Variants in CLYBL observed in about 807,000 individuals in gnomAD.
CLYBL encodes citramalyl-CoA lyase, mitochondrial.
CLYBL carries 31 observed loss-of-function variants against 38.9 expected under a neutral mutation model. That is an observed-to-expected ratio of 0.80 (90% CI 0.60 to 1.08). The LOEUF (loss-of-function observed/expected upper bound fraction) is 1.08, where lower values mean the gene tolerates loss of function less well. Among genes scored for constraint, CLYBL ranks in the 50% least tolerant of loss-of-function variants. The probability of loss-of-function intolerance (pLI) is 0.00; values close to 1 mark genes in which losing one functional copy is unlikely to be tolerated. For synonymous variants in CLYBL, 171 were observed against 158.6 expected, an observed-to-expected ratio of 1.08 and a Z score of -0.59; for missense variants, 434 against 411.6, an observed-to-expected ratio of 1.05 and a Z score of -0.47.
At chr13:99,877,568 A>ATTTTT in intron 7 of CLYBL, 2 of 250,782 alleles carry the variant, frequency 8.0e-6, no homozygotes, top group Non-Finnish European at 1.5e-5. Flanking sequence ...GAATTTTGTA[A>ATTTTT]TTCTTTTTTT....
At chr13:99,875,768 G>A (rs909864114) in intron 7 of CLYBL, among the ~76,000 whole-genome samples, 29 of 152,274 alleles carry the variant, frequency 1.9e-4, no homozygotes, top group African/African-American at 7.0e-4. Flanking sequence ...CTGGATTTAT[G>A]AGCAGGAACA....
At chr13:99,784,447 C>CTG (rs1566325856) in intron 2 of CLYBL, among the ~76,000 whole-genome samples, 1 of 99,436 alleles carries the variant, frequency 1.0e-5, no homozygotes, top group Non-Finnish European at 2.3e-5. Flanking sequence ...GGAAAATTCT[C>CTG]TCTTTTTTTT....
intron 1 of CLYBL, among the ~76,000 whole-genome samples, chr13:99,679,931 C>G (rs1233551142): frequency 6.6e-6 from 1 of 151,986 alleles, no homozygotes; most frequent in African/African-American, 2.4e-5. Flanking sequence ...ATGTTACTGT[C>G]TAATGCATGT....
chr13:99,620,790 GAAA>G (rs1022557492), intron 1 of CLYBL, among the ~76,000 whole-genome samples: 2 of 108,720 alleles, frequency 1.8e-5, no homozygotes, highest in African/African-American at 3.0e-5. Flanking sequence ...AAGAAAGAAA[GAAA>G]AAGAGAGAGA....
At chr13:99,784,455 T>C (rs1466906463) in intron 2 of CLYBL, among the ~76,000 whole-genome samples, 24 of 92,668 alleles carry the variant, frequency 2.6e-4, no homozygotes, top group African/African-American at 4.7e-4. Flanking sequence ...CTCTCTTTTT[T>C]TTTTTTTTTT....
At chr13:99,704,321 G>C (rs1047549610) in intron 1 of CLYBL, among the ~76,000 whole-genome samples, 1 of 152,094 alleles carries the variant, frequency 6.6e-6, no homozygotes, top group Non-Finnish European at 1.5e-5. Flanking sequence ...AGATCTTCTT[G>C]GAATATATTA....
intron 1 of CLYBL, among the ~76,000 whole-genome samples, chr13:99,743,677 C>T (rs2048796175): frequency 6.6e-6 from 1 of 152,182 alleles, no homozygotes; most frequent in South Asian, 2.1e-4. Context: ...GTGGTGAGCT[C>T]TCTTGGTGTT....
chr13:99,781,305 G>A (rs539866094), intron 2 of CLYBL, among the ~76,000 whole-genome samples: 56 of 151,900 alleles, frequency 3.7e-4, no homozygotes, highest in African/African-American at 1.3e-3. Flanking sequence ...CAAGTAGCTG[G>A]GACTACAGGC....
chr13:99,801,783 G>A lies in CLYBL; in HGVS notation c.249+28773G>A, dbSNP rs569400429. ...TGTAATCCCAGGACTTTGGGAGGCC[G>A]AGGCAGGCGGATCACCTGAGGTCAG... On this transcript the variant is annotated intron_variant, in intron 2 of 8. Transcript: ENST00000339105. Among the ~76,000 whole-genome samples the A allele has an allele frequency of 5.9e-5, 9 of 152,274 alleles. No homozygotes were observed. The East Asian group carries it at 1.4e-3, about 23-fold the overall frequency.
chr13:99,737,202 G>A (rs1024059883), intron 1 of CLYBL, among the ~76,000 whole-genome samples: 5 of 146,854 alleles, frequency 3.4e-5, no homozygotes, highest in African/African-American at 9.8e-5. Context: ...GCAGCTCCCC[G>A]GTCCCCCTGT....
intron 7 of CLYBL, among the ~76,000 whole-genome samples, chr13:99,881,854 GT>G (rs1333923678): frequency 3.3e-5 from 5 of 152,150 alleles, no homozygotes; most frequent in African/African-American, 1.2e-4. Context: ...GACTTAAAAT[GT>G]CACTCATATA....
intron 1 of CLYBL, among the ~76,000 whole-genome samples, chr13:99,695,406 C>T (rs769155435): frequency 6.6e-6 from 1 of 151,948 alleles, no homozygotes; most frequent in African/African-American, 2.4e-5. Context: ...GGGAAAACCG[C>T]GTTTTTATGG....
intron 2 of CLYBL, among the ~76,000 whole-genome samples, chr13:99,789,770 G>A (rs903619240): frequency 8.5e-5 from 13 of 152,108 alleles, no homozygotes; most frequent in African/African-American, 3.1e-4. Context: ...TTTCTGTCTC[G>A]TTGATCTGTC....
At chr13:99,789,637 A>T (rs1261727101) in intron 2 of CLYBL, among the ~76,000 whole-genome samples, 1 of 152,188 alleles carries the variant, frequency 6.6e-6, no homozygotes, top group Non-Finnish European at 1.5e-5. Context: ...CAATTTTGGA[A>T]TAAGTGTGAT....
chr13:99,903,552 G>A (rs2052664419), intron 8 of CLYBL, among the ~76,000 whole-genome samples: 3 of 151,984 alleles, frequency 2.0e-5, no homozygotes, highest in Non-Finnish European at 4.4e-5. Flanking sequence ...ATTTCCACCT[G>A]GAAATTAAAA....
intron 1 of CLYBL, among the ~76,000 whole-genome samples, chr13:99,771,327 G>C (rs560171914): frequency 2.0e-5 from 3 of 152,118 alleles, no homozygotes; most frequent in African/African-American, 7.2e-5. Flanking sequence ...AATTAGAGGC[G>C]TGGGCCACCA....
In CLYBL at chr13:99,777,434, A is replaced by G. The variant is rs118166558; in HGVS notation, c.249+4424A>G. 3.3e-5 allele frequency among the ~76,000 whole-genome samples: 5 copies of G among 152,208 alleles called. No homozygotes were observed. In the East Asian group the frequency reaches 9.7e-4, roughly 29 times the overall value. ...TACCTCATTGCTACCACCTCTTTGT[A>G]AACTGTTGGAAATACAAAAATGCTG... On this transcript the variant is annotated intron_variant, in intron 2 of 8. Transcript: ENST00000339105.
At chr13:99,722,267 C>T (rs1594138687) in intron 1 of CLYBL, among the ~76,000 whole-genome samples, 1 of 152,280 alleles carries the variant, frequency 6.6e-6, no homozygotes, top group East Asian at 1.9e-4. Flanking sequence ...GGTGTTGACA[C>T]TCTGACCCCT....
At chr13:99,660,365 T>C (rs2047391681) in intron 1 of CLYBL, among the ~76,000 whole-genome samples, 1 of 152,206 alleles carries the variant, frequency 6.6e-6, no homozygotes. Flanking sequence ...TTTCCACTTT[T>C]AAAAACGTGT....
Sources: gnomAD v4.1 joint callset for allele counts (sites outside exome capture counted in the v4.1 genomes callset) on GRCh38, gnomAD v4.1.1 for gene constraint, MANE v1.5 for transcripts, NCBI Gene and HGNC (gene_info 2026-07-23, HGNC 2026-07-21) for gene names.